The following RBPMS variants were observed in gnomAD, a reference collection of about 807,000 sequenced individuals.
RBPMS encodes the protein RNA-binding protein with multiple splicing.
Under a neutral mutation model 26.8 loss-of-function variants are expected in RBPMS, and 7 were observed. That is an observed-to-expected ratio of 0.26 (90% CI 0.15 to 0.49). RBPMS has a LOEUF of 0.49. Ranked by LOEUF, RBPMS falls within the 20% of genes least tolerant of loss-of-function variation. The probability of loss-of-function intolerance (pLI) is 0.98; values close to 1 mark genes in which losing one functional copy is unlikely to be tolerated. For missense variants in RBPMS, 186 were observed against 250.0 expected (o/e 0.74, Z 1.73); for synonymous variants, 96 against 93.3 (o/e 1.03, Z -0.17).
chr8:30,410,143 TACACACACACACACACACACACAC>T (rs34489233), intron 1 of RBPMS, among the ~76,000 whole-genome samples: 3 of 132,200 alleles, frequency 2.3e-5, no homozygotes, highest in East Asian at 4.7e-4. Context: ...TGACTTAAAA[TACACACACACACACACACACACAC>T]ACACACACAC....
chr8:30,414,664 G>T (rs1462886216), intron 1 of RBPMS, among the ~76,000 whole-genome samples: 1 of 151,998 alleles, frequency 6.6e-6, no homozygotes, highest in Non-Finnish European at 1.5e-5. Context: ...AATTTATGAG[G>T]GTATCATAAC....
At chr8:30,556,478 A>G in intron 6 of RBPMS, 3 of 985,862 alleles carry the variant, frequency 3.0e-6, no homozygotes, top group South Asian at 4.7e-5. Context: ...CATGCCATCC[A>G]CTGTGCAGCT....
At chr8:30,492,011 C>G (rs1819452085) in intron 4 of RBPMS, among the ~76,000 whole-genome samples, 1 of 152,148 alleles carries the variant, frequency 6.6e-6, no homozygotes, top group African/African-American at 2.4e-5. Flanking sequence ...TCTGCCTCAG[C>G]CTCCTGAGTA....
chr8:30,411,556 T>C (rs1374690438), intron 1 of RBPMS, among the ~76,000 whole-genome samples: 2 of 151,086 alleles, frequency 1.3e-5, no homozygotes, highest in African/African-American at 2.4e-5. Context: ...TCTCAGCTAC[T>C]TGGGAGGCTG....
At chr8:30,554,924 T>C (rs1425675501) in intron 6 of RBPMS, among the ~76,000 whole-genome samples, 2 of 152,020 alleles carry the variant, frequency 1.3e-5, no homozygotes, top group Non-Finnish European at 2.9e-5. Flanking sequence ...TACTGTAGAG[T>C]TTTACCCTGT....
intron 4 of RBPMS, among the ~76,000 whole-genome samples, chr8:30,482,995 C>T (rs960896810): frequency 1.3e-5 from 2 of 152,120 alleles, no homozygotes; most frequent in Admixed American, 6.5e-5. Context: ...CAGGAAGCAG[C>T]GCATGTTGAA....
Position 30,384,617 on chromosome 8 carries a change from C to CTCCTCCTCCTCCTCT in RBPMS, c.-461_-447dup, listed in dbSNP as rs905735811. ...CCGCGGCCCGCGCTCCTCCGCCCCG[C>CTCCTCCTCCTCCTCT]TCCTCCTCCTCCTCTTCCTCCTCCT... On this transcript the variant is annotated 5_prime_UTR_variant, in exon 1 of 9. Transcript: ENST00000397323. The surrounding 1 kb of genome is among the most constrained non-coding windows in gnomAD (Gnocchi z 5.6). The CTCCTCCTCCTCCTCT allele has an allele frequency of 6.3e-6, 1 of 158,500 alleles. No homozygotes were observed. Among genetic ancestry groups the CTCCTCCTCCTCCTCT allele is most frequent in the Middle Eastern group, 2.7e-3 (1 of 372 alleles). The allele number at this position is 158,500 out of a possible 1,614,324, so 9.8% of individuals were successfully genotyped here.
At chr8:30,480,731 T>C (rs576999386) in intron 4 of RBPMS, among the ~76,000 whole-genome samples, 1 of 152,354 alleles carries the variant, frequency 6.6e-6, no homozygotes, top group South Asian at 2.1e-4. Context: ...AAAAGTTGTT[T>C]TATGATTTTT....
chr8:30,533,814 G>C (rs910409183), intron 5 of RBPMS, among the ~76,000 whole-genome samples: 2 of 152,134 alleles, frequency 1.3e-5, no homozygotes, highest in South Asian at 4.1e-4. Flanking sequence ...CAGAATGCCA[G>C]GTTAAATTAT....
intron 5 of RBPMS, among the ~76,000 whole-genome samples, chr8:30,537,400 T>C (rs1585804932): frequency 6.6e-6 from 1 of 152,294 alleles, no homozygotes; most frequent in Non-Finnish European, 1.5e-5. Flanking sequence ...TCTGCTTGCT[T>C]TTTTGCAGAA....
intron 5 of RBPMS, among the ~76,000 whole-genome samples, chr8:30,539,006 AAAG>A (rs796563819): frequency 4.6e-5 from 7 of 152,092 alleles, no homozygotes; most frequent in African/African-American, 1.7e-4. Context: ...CTAGTCCTTA[AAAG>A]AGTGGGCCTG....
chr8:30,521,115 T>C (rs559551893), intron 5 of RBPMS, among the ~76,000 whole-genome samples: 1 of 152,356 alleles, frequency 6.6e-6, no homozygotes, highest in East Asian at 1.9e-4. Flanking sequence ...GGCAGAAAGT[T>C]AAATATTTAG....
intron 4 of RBPMS, among the ~76,000 whole-genome samples, chr8:30,479,846 G>A (rs935887571): frequency 6.6e-6 from 1 of 151,016 alleles, no homozygotes; most frequent in Non-Finnish European, 1.5e-5. Flanking sequence ...CTTTATTCTG[G>A]TTGATTAAAA....
chr8:30,533,141 A>AT (rs917134876), intron 5 of RBPMS, among the ~76,000 whole-genome samples: 2 of 152,128 alleles, frequency 1.3e-5, no homozygotes, highest in Admixed American at 6.5e-5. Context: ...GCCTCATTTT[A>AT]TTTTTTGTAA....
At chr8:30,488,871 A>G (rs1819074491) in intron 4 of RBPMS, among the ~76,000 whole-genome samples, 1 of 152,198 alleles carries the variant, frequency 6.6e-6, no homozygotes, top group African/African-American at 2.4e-5. Flanking sequence ...TGTCTTCTTG[A>G]TAACCAATCA....
intron 7 of RBPMS, among the ~76,000 whole-genome samples, chr8:30,561,128 A>G (rs987453580): frequency 1.3e-5 from 2 of 152,102 alleles, no homozygotes; most frequent in African/African-American, 2.4e-5. Flanking sequence ...AAAATGTTTA[A>G]TTATTTTGTG....
intron 4 of RBPMS, among the ~76,000 whole-genome samples, chr8:30,502,071 G>A (rs997202914): frequency 6.6e-6 from 1 of 151,756 alleles, no homozygotes; most frequent in East Asian, 1.9e-4. Context: ...AGAGGAATGT[G>A]GCTTGTATTC....
intron 6 of RBPMS, chr8:30,549,369 C>CCGGAAAA (rs1316891715): frequency 4.0e-6 from 3 of 741,660 alleles, no homozygotes; most frequent in East Asian, 5.0e-5. Context: ...CTGTGGCTAT[C>CCGGAAAA]CGGAAAACGA....
chr8:30,392,150 G>C (rs751182500), intron 1 of RBPMS, among the ~76,000 whole-genome samples: 17 of 152,102 alleles, frequency 1.1e-4, no homozygotes, highest in African/African-American at 4.1e-4. Context: ...TAAAGTAGAG[G>C]TAGTTGAGTT....
Sources: gnomAD v4.1 joint callset for allele counts (sites outside exome capture counted in the v4.1 genomes callset) on GRCh38, gnomAD v4.1.1 for gene constraint, Gnocchi (gnomAD v3.1) non-coding constraint, MANE v1.5 for transcripts, NCBI Gene and HGNC (gene_info 2026-07-23, HGNC 2026-07-21) for gene names.